Variants in ADGRL3 observed in about 807,000 individuals in gnomAD.
ADGRL3 encodes the protein calcium-independent alpha-latrotoxin receptor 3.
Under a neutral mutation model 153.5 loss-of-function variants are expected in ADGRL3, and 62 were observed. That is an observed-to-expected ratio of 0.40 (90% CI 0.33 to 0.50). ADGRL3 has a LOEUF of 0.50. Ranked by LOEUF, ADGRL3 falls within the 20% of genes least tolerant of loss-of-function variation. The pLI is 0.47. For synonymous variants in ADGRL3, 710 were observed against 672.5 expected (o/e 1.06, Z -0.86); for missense variants, 1,641 against 1,859.4 (o/e 0.88, Z 2.16).
intron 1 of ADGRL3, among the ~76,000 whole-genome samples, chr4:61,288,662 G>A (rs148977656): frequency 1.3e-5 from 2 of 152,096 alleles, no homozygotes; most frequent in African/African-American, 4.8e-5. Flanking sequence ...GGTAGGGGCT[G>A]CATCACATAG....
At chr4:61,429,479 C>G (rs1327966826) in intron 2 of ADGRL3, among the ~76,000 whole-genome samples, 1 of 152,010 alleles carries the variant, frequency 6.6e-6, no homozygotes, top group Non-Finnish European at 1.5e-5. Flanking sequence ...TTTTATATCC[C>G]AAAGAACTAC....
intron 1 of ADGRL3, among the ~76,000 whole-genome samples, chr4:61,374,209 T>A (rs189232586): frequency 6.6e-6 from 1 of 152,300 alleles, no homozygotes; most frequent in Admixed American, 6.5e-5. Context: ...CCACTGCAGA[T>A]GTTTGCATTT....
At chr4:61,738,117 C>T (rs1488123332) in intron 8 of ADGRL3, among the ~76,000 whole-genome samples, 3 of 152,008 alleles carry the variant, frequency 2.0e-5, no homozygotes, top group Non-Finnish European at 4.4e-5. Flanking sequence ...TCCACTGTAT[C>T]ATTCTTATGC....
At chr4:61,882,154 A>T (rs1462651974) in intron 9 of ADGRL3, among the ~76,000 whole-genome samples, 1 of 152,206 alleles carries the variant, frequency 6.6e-6, no homozygotes, top group African/African-American at 2.4e-5. Flanking sequence ...CAGTATATTT[A>T]TTTGGTTGTT....
chr4:61,963,581 A>G (rs552846182), intron 17 of ADGRL3, among the ~76,000 whole-genome samples: 3 of 152,270 alleles, frequency 2.0e-5, no homozygotes, highest in South Asian at 2.1e-4. Context: ...TGTTGCTGCA[A>G]AGGACTTGAT....
chr4:61,490,995 A>G (rs796859537), intron 2 of ADGRL3, among the ~76,000 whole-genome samples: 12 of 152,278 alleles, frequency 7.9e-5, no homozygotes, highest in African/African-American at 2.6e-4. Context: ...ACTCCTTTAA[A>G]ACTCATTTTG....
At chr4:61,872,787 A>G (rs969779122) in intron 9 of ADGRL3, among the ~76,000 whole-genome samples, 1 of 152,156 alleles carries the variant, frequency 6.6e-6, no homozygotes, top group Admixed American at 6.5e-5. Context: ...TCAGGGTAAC[A>G]AGCAATGTCC....
intron 1 of ADGRL3, among the ~76,000 whole-genome samples, chr4:61,326,412 A>G (rs952074494): frequency 2.6e-5 from 4 of 152,200 alleles, no homozygotes; most frequent in East Asian, 3.9e-4. Context: ...TTTTTCTTTT[A>G]ACCATTATAA....
In ADGRL3 at chr4:61,226,545, T is replaced by C. The variant is rs114871161; in HGVS notation, c.-240+24780T>C. 2.7e-3 allele frequency among the ~76,000 whole-genome samples: 407 copies of C among 152,292 alleles called. 2 individuals are homozygous for C. The highest frequency in any genetic ancestry group is 8.7e-3 in the African/African-American group (363 of 41,558). ...TGTGGCATGAATAGTGGAAGAGAGT[T>C]CATTTTATGATATTTTTCAGGTTCT... On this transcript the variant is annotated intron_variant, in intron 1 of 26. Coordinates refer to ENST00000683033, the MANE Select transcript of ADGRL3 (RefSeq NM_001387552.1).
intron 2 of ADGRL3, among the ~76,000 whole-genome samples, chr4:61,450,505 G>T (rs2097660667): frequency 1.3e-5 from 2 of 152,182 alleles, no homozygotes; most frequent in South Asian, 4.2e-4. Flanking sequence ...CCTGTTAAGT[G>T]GCATATTGAG....
At chr4:61,357,166 A>T (rs1395307514) in intron 1 of ADGRL3, among the ~76,000 whole-genome samples, 1 of 152,128 alleles carries the variant, frequency 6.6e-6, no homozygotes, top group Non-Finnish European at 1.5e-5. Context: ...CTTTTATCAA[A>T]TAATTACATT....
chr4:61,827,442 C>T (rs1459921335), intron 9 of ADGRL3, among the ~76,000 whole-genome samples: 1 of 152,088 alleles, frequency 6.6e-6, no homozygotes, highest in African/African-American at 2.4e-5. Context: ...AGGTTATAAT[C>T]GATCTTTGTA....
chr4:61,775,871 G>GA lies in ADGRL3; in HGVS notation c.1400-37937dup, dbSNP rs369966264. The GA allele has an allele frequency of 6.1e-4, 263 of 429,842 alleles. 3 individuals carry two copies. Among genetic ancestry groups the GA allele is most frequent in the African/African-American group, 4.7e-3 (228 of 48,622 alleles). The allele number at this position is 429,842 out of a possible 1,614,324, so 26.6% of individuals were successfully genotyped here. ...GCCATGGCGGTGGGTTACCGGTGAAGACGAATCTTGTTTTTATTTATTTAT... is the reference window on the plus strand; with the variant it reads ...GCCATGGCGGTGGGTTACCGGTGAAGAACGAATCTTGTTTTTATTTATTTAT... On this transcript the variant is annotated intron_variant, in intron 8 of 26. Transcript: ENST00000683033.
chr4:61,576,919 T>C (rs2149221759), intron 4 of ADGRL3, among the ~76,000 whole-genome samples: 1 of 152,044 alleles, frequency 6.6e-6, no homozygotes, highest in African/African-American at 2.4e-5. Flanking sequence ...GGGAATATTT[T>C]CCATTCCAAA....
At chr4:61,536,374 G>A (rs1419970536) in intron 4 of ADGRL3, among the ~76,000 whole-genome samples, 2 of 152,080 alleles carry the variant, frequency 1.3e-5, no homozygotes, top group Non-Finnish European at 2.9e-5. Flanking sequence ...TGGGTAGAGT[G>A]TTCTGTAGAT....
intron 6 of ADGRL3, among the ~76,000 whole-genome samples, chr4:61,701,598 A>G (rs765499353): frequency 1.4e-3 from 213 of 151,512 alleles, no homozygotes; most frequent in Non-Finnish European, 2.7e-3. Context: ...ATGCCTGGCT[A>G]ATTTTTTGTA....
At chr4:61,673,713 C>T (rs1229423754) in intron 5 of ADGRL3, among the ~76,000 whole-genome samples, 3 of 151,274 alleles carry the variant, frequency 2.0e-5, no homozygotes, top group South Asian at 2.1e-4. Context: ...AGTTTTTAAA[C>T]AATCAATATT....
chr4:61,507,164 G>A (rs573488091), intron 3 of ADGRL3, among the ~76,000 whole-genome samples: 1 of 152,188 alleles, frequency 6.6e-6, no homozygotes, highest in South Asian at 2.1e-4. Context: ...AGGGAACTTG[G>A]TGAAACCATG....
intron 19 of ADGRL3, among the ~76,000 whole-genome samples, chr4:61,985,721 A>G (rs2099082840): frequency 6.6e-6 from 1 of 152,174 alleles, no homozygotes; most frequent in African/African-American, 2.4e-5. Context: ...AAGCACCAAC[A>G]ATACAATTAA....
Sources: allele counts gnomAD v4.1 joint callset (sites outside exome capture counted in the v4.1 genomes callset), GRCh38; gene constraint gnomAD v4.1.1; transcripts MANE v1.5; gene names NCBI Gene and HGNC (gene_info 2026-07-23, HGNC 2026-07-21).